The following PRKCE variants were observed in gnomAD, a reference collection of about 807,000 sequenced individuals.
PRKCE encodes protein kinase C epsilon.
A neutral mutation model predicts 85.4 loss-of-function variants in PRKCE; 16 were observed. The observed-to-expected ratio is 0.19, with a 90% CI of 0.13 to 0.28. The LOEUF is 0.28. PRKCE is among the 10% of genes least tolerant of loss of function. The pLI is 1.00. For missense variants in PRKCE, 573 were observed against 975.2 expected (o/e 0.59, Z 5.49); for synonymous variants, 388 against 371.5 (o/e 1.04, Z -0.51).
In PRKCE at chr2:45,657,279, G is replaced by C. The variant is rs1032266598; in HGVS notation, c.348+4831G>C. On this transcript the variant is annotated intron_variant, in intron 1 of 14. Coordinates refer to ENST00000306156, the MANE Select transcript of PRKCE (RefSeq NM_005400.3). Reference sequence around the variant, plus strand: ...GTGATTCCCCGGAGCAGCGAAGTCTGGAGTCACACTGCTTGGACTTGAATC... The same window carrying C: ...GTGATTCCCCGGAGCAGCGAAGTCTCGAGTCACACTGCTTGGACTTGAATC... Among the ~76,000 whole-genome samples the C allele has an allele frequency of 2.6e-5, 4 of 152,030 alleles. 1 individual carries two copies. The highest frequency in any genetic ancestry group is 9.7e-5 in the African/African-American group (4 of 41,384).
chr2:45,714,519 T>G (rs1043331889), intron 1 of PRKCE, among the ~76,000 whole-genome samples: 5 of 152,248 alleles, frequency 3.3e-5, no homozygotes, highest in Non-Finnish European at 7.3e-5. Flanking sequence ...AATGGCTCTT[T>G]AAATGAAACA....
chr2:45,792,563 C>T (rs1191691288), intron 1 of PRKCE, among the ~76,000 whole-genome samples: 2 of 152,146 alleles, frequency 1.3e-5, no homozygotes, highest in South Asian at 2.1e-4. Context: ...AGATGCTGGC[C>T]GAGGGTGGCT....
chr2:45,672,627 GA>G (rs1676229448), intron 1 of PRKCE, among the ~76,000 whole-genome samples: 1 of 152,174 alleles, frequency 6.6e-6, no homozygotes, highest in East Asian at 1.9e-4. Flanking sequence ...CAATTGACCA[GA>G]CTACCCTGTG....
intron 10 of PRKCE, among the ~76,000 whole-genome samples, chr2:46,065,926 A>G (rs1667586817): frequency 6.6e-6 from 1 of 152,220 alleles, no homozygotes; most frequent in Non-Finnish European, 1.5e-5. Context: ...CCATGGGGCC[A>G]GGGGAACACT....
chr2:46,057,128 C>T (rs1480505865), intron 10 of PRKCE, among the ~76,000 whole-genome samples: 1 of 152,162 alleles, frequency 6.6e-6, no homozygotes, highest in Non-Finnish European at 1.5e-5. Flanking sequence ...ATGGTGGCCT[C>T]AGGGCAGTCA....
Position 45,984,544 on chromosome 2 carries a change from C to T in PRKCE, c.694-7C>T, listed in dbSNP as rs1369799019. The T allele has an allele frequency of 3.8e-6, 6 of 1,598,986 alleles. No homozygotes were observed. The South Asian group carries it at 4.4e-5, about 12-fold the overall frequency. ...GGTGGTGAACCTGTATCTTGCCATC[C>T]CTGCAGGTGGGCTCCCAGCGGTTCA... is the stretch of plus-strand genomic sequence containing the variant. On this transcript the variant is annotated splice_region_variant and splice_polypyrimidine_tract_variant and intron_variant, in intron 5 of 14. Coordinates refer to ENST00000306156, the MANE Select transcript of PRKCE (RefSeq NM_005400.3).
chr2:45,864,540 C>A (rs1693428909), intron 2 of PRKCE, among the ~76,000 whole-genome samples: 2 of 152,112 alleles, frequency 1.3e-5, no homozygotes. Flanking sequence ...TGAGAATGAA[C>A]TGAATGAACA....
At chr2:46,067,653 A>G (rs1416126873) in intron 10 of PRKCE, among the ~76,000 whole-genome samples, 1 of 152,220 alleles carries the variant, frequency 6.6e-6, no homozygotes, top group Non-Finnish European at 1.5e-5. Context: ...CGCTGCTTGC[A>G]TCTAGTAGAT....
intron 10 of PRKCE, among the ~76,000 whole-genome samples, chr2:46,050,610 T>G (rs1708794943): frequency 6.6e-6 from 1 of 152,208 alleles, no homozygotes; most frequent in South Asian, 2.1e-4. Flanking sequence ...GGTTTCTGTT[T>G]CCCGCTCTGT....
intron 1 of PRKCE, chr2:45,698,060 C>T (rs896126326): frequency 6.6e-6 from 1 of 152,598 alleles, no homozygotes; most frequent in Non-Finnish European, 1.5e-5. Flanking sequence ...AGCTAAGATT[C>T]TAGTGGACGT....
At chr2:45,958,011 T>C (rs1003773926) in intron 2 of PRKCE, among the ~76,000 whole-genome samples, 2 of 150,804 alleles carry the variant, frequency 1.3e-5, no homozygotes, top group African/African-American at 4.9e-5. Context: ...GCCTGCTGAA[T>C]GAGCAGTTCT....
intron 2 of PRKCE, among the ~76,000 whole-genome samples, chr2:45,927,221 A>C (rs1405312345): frequency 6.6e-6 from 1 of 152,194 alleles, no homozygotes; most frequent in Non-Finnish European, 1.5e-5. Context: ...GGGTGTTGTC[A>C]GAGAAGAGGG....
intron 1 of PRKCE, among the ~76,000 whole-genome samples, chr2:45,737,953 C>G (rs1682224980): frequency 6.6e-6 from 1 of 152,174 alleles, no homozygotes; most frequent in Non-Finnish European, 1.5e-5. Flanking sequence ...TTCCATCTCC[C>G]TGGCTTGAAC....
At chr2:46,164,284 G>C (rs988558777) in intron 14 of PRKCE, among the ~76,000 whole-genome samples, 1 of 152,216 alleles carries the variant, frequency 6.6e-6, no homozygotes, top group African/African-American at 2.4e-5. Context: ...AAAGGATCAA[G>C]TCTGTGAGCA....
At chr2:46,055,639 C>A (rs915069966) in intron 10 of PRKCE, among the ~76,000 whole-genome samples, 2 of 152,116 alleles carry the variant, frequency 1.3e-5, no homozygotes, top group African/African-American at 4.8e-5. Context: ...AGTCCTGGAT[C>A]TGCCCTTTGG....
chr2:45,881,079 G>A (rs1694849405), intron 2 of PRKCE, among the ~76,000 whole-genome samples: 1 of 151,078 alleles, frequency 6.6e-6, no homozygotes, highest in African/African-American at 2.4e-5. Context: ...CGTGAACCCG[G>A]GAGGCGGAGC....
At chr2:45,776,869 C>A (rs1685791148) in intron 1 of PRKCE, among the ~76,000 whole-genome samples, 1 of 152,206 alleles carries the variant, frequency 6.6e-6, no homozygotes, top group Non-Finnish European at 1.5e-5. Context: ...AGTCCACAGA[C>A]CATTCTTCCT....
At chr2:46,115,575 A>G (rs915558893) in intron 11 of PRKCE, among the ~76,000 whole-genome samples, 1 of 152,224 alleles carries the variant, frequency 6.6e-6, no homozygotes, top group Non-Finnish European at 1.5e-5. Flanking sequence ...CATGCTGTGT[A>G]TATACAACAT....
At chr2:45,835,408 C>T (rs948525158) in intron 1 of PRKCE, among the ~76,000 whole-genome samples, 2 of 152,264 alleles carry the variant, frequency 1.3e-5, no homozygotes, top group African/African-American at 4.8e-5. Context: ...CCAGGACGTT[C>T]CCCTGTGTCT....
Sources: gnomAD v4.1 joint callset for allele counts (sites outside exome capture counted in the v4.1 genomes callset) on GRCh38, gnomAD v4.1.1 for gene constraint, MANE v1.5 for transcripts, NCBI Gene and HGNC (gene_info 2026-07-23, HGNC 2026-07-21) for gene names.